Variants in PTPRD observed in about 807,000 individuals in gnomAD.
PTPRD encodes the protein protein tyrosine phosphatase receptor type D, also known as receptor-type tyrosine-protein phosphatase delta.
A neutral mutation model predicts 214.5 loss-of-function variants in PTPRD; 34 were observed. That is an observed-to-expected ratio of 0.16 (90% CI 0.12 to 0.21). The LOEUF (loss-of-function observed/expected upper bound fraction) is 0.21, where lower values mean the gene tolerates loss of function less well. PTPRD is among the 10% of genes least tolerant of loss of function. The pLI is 1.00. For missense variants in PTPRD, 2,545 were observed against 2,398.7 expected (o/e 1.06, Z -1.27); for synonymous variants, 1,128 against 845.7 (o/e 1.33, Z -5.79).
intron 11 of PTPRD, among the ~76,000 whole-genome samples, chr9:8,998,041 A>G (rs1467670822): frequency 6.6e-6 from 1 of 152,094 alleles, no homozygotes; most frequent in Non-Finnish European, 1.5e-5. Flanking sequence ...TTGGTTCATG[A>G]GTTTTAAAAA....
At chr9:9,845,461 G>C (rs917829110) in intron 5 of PTPRD, among the ~76,000 whole-genome samples, 1 of 151,664 alleles carries the variant, frequency 6.6e-6, no homozygotes, top group Non-Finnish European at 1.5e-5. Context: ...GTGAATTATA[G>C]AAGCTCATGA....
At chr9:9,932,447 C>T (rs1239969461) in intron 5 of PTPRD, among the ~76,000 whole-genome samples, 7 of 145,862 alleles carry the variant, frequency 4.8e-5, no homozygotes, top group Admixed American at 6.8e-5. Context: ...CCTCAGGAGC[C>T]GATGCAATCA....
intron 4 of PTPRD, among the ~76,000 whole-genome samples, chr9:9,982,025 C>G (rs1479420866): frequency 6.6e-6 from 1 of 151,992 alleles, no homozygotes; most frequent in African/African-American, 2.4e-5. Flanking sequence ...GATAATTTAC[C>G]ATAATTTGCT....
At chr9:9,729,591 A>C (rs1042514153) in intron 7 of PTPRD, among the ~76,000 whole-genome samples, 1 of 152,176 alleles carries the variant, frequency 6.6e-6, no homozygotes, top group Non-Finnish European at 1.5e-5. Flanking sequence ...GCTAAAGGGA[A>C]TAAAAGGCTT....
chr9:10,121,678 C>G (rs1350802804), intron 3 of PTPRD, among the ~76,000 whole-genome samples: 1 of 152,138 alleles, frequency 6.6e-6, no homozygotes. Context: ...CTATCTCATA[C>G]AATAGTTCAA....
chr9:8,887,267 C>G (rs867211562), intron 11 of PTPRD, among the ~76,000 whole-genome samples: 1 of 152,078 alleles, frequency 6.6e-6, no homozygotes, highest in Non-Finnish European at 1.5e-5. Flanking sequence ...GTTGAGACCC[C>G]CAAGACTGGT....
At chr9:9,412,162 C>G (rs2075658110) in intron 8 of PTPRD, among the ~76,000 whole-genome samples, 1 of 151,864 alleles carries the variant, frequency 6.6e-6, no homozygotes, top group African/African-American at 2.4e-5. Flanking sequence ...CTTTTTTTGG[C>G]CAGAATTACC....
intron 11 of PTPRD, among the ~76,000 whole-genome samples, chr9:8,767,408 C>T (rs1050329387): frequency 6.6e-6 from 1 of 152,144 alleles, no homozygotes; most frequent in African/African-American, 2.4e-5. Context: ...TGAGCCACCA[C>T]ACCCGGCGTC....
intron 4 of PTPRD, among the ~76,000 whole-genome samples, chr9:9,991,832 C>CA (rs2095939691): frequency 6.8e-6 from 1 of 147,532 alleles, no homozygotes; most frequent in African/African-American, 2.5e-5. Flanking sequence ...TTCAACAGCA[C>CA]CACACACACA....
At chr9:9,003,420 T>C (rs1202499338) in intron 11 of PTPRD, among the ~76,000 whole-genome samples, 3 of 152,032 alleles carry the variant, frequency 2.0e-5, no homozygotes, top group African/African-American at 4.8e-5. Flanking sequence ...TATGCCTACT[T>C]GTGTTCTACC....
chr9:10,177,826 A>T (rs1257413600), intron 3 of PTPRD, among the ~76,000 whole-genome samples: 1 of 151,974 alleles, frequency 6.6e-6, no homozygotes, highest in Admixed American at 6.6e-5. Context: ...TCAAGTCAGT[A>T]GTTCTCTTTA....
In PTPRD at chr9:8,908,921, G is replaced by A. The variant is rs141360290; in HGVS notation, c.-104+109776C>T. Among the ~76,000 whole-genome samples the A allele has an allele frequency of 1.0e-4, 15 of 150,390 alleles. No homozygotes were observed. The East Asian group carries it at 2.9e-3, about 29-fold the overall frequency. On this transcript the variant is annotated intron_variant, in intron 11 of 45. Transcript: ENST00000381196. ...AATGCTACAGCCTCATAATTAAAAG[G>A]CTCATAATTTGACATGAATATGAAA...
At chr9:8,590,364 G>A (rs2094004262) in intron 14 of PTPRD, among the ~76,000 whole-genome samples, 2 of 152,108 alleles carry the variant, frequency 1.3e-5, no homozygotes, top group Admixed American at 6.6e-5. Flanking sequence ...ATTTTATTTG[G>A]AGAACGCTGC....
At chr9:9,015,564 G>T (rs1589829035) in intron 11 of PTPRD, among the ~76,000 whole-genome samples, 1 of 152,102 alleles carries the variant, frequency 6.6e-6, no homozygotes, top group South Asian at 2.1e-4. Context: ...CTCTGTCTAT[G>T]GAGTAGCCAT....
chr9:8,315,638 A>G lies in PTPRD; in HGVS notation c.*2236T>C, dbSNP rs891720260. 5 of 227,972 alleles carry G rather than the reference A, an allele frequency of 2.2e-5. No individual in the cohort carries two copies. Among genetic ancestry groups the G allele is most frequent in the Admixed American group, 5.7e-5 (1 of 17,544 alleles). The allele number at this position is 227,972 out of a possible 1,614,324, so 14.1% of individuals were successfully genotyped here. On this transcript the variant is annotated 3_prime_UTR_variant, in exon 46 of 46. Transcript: ENST00000381196. ...TAGATACTTTTTTTTAGTATTATAT[A>G]TATTTTCTTTTTTTTCTTTTTCTTT...
intron 3 of PTPRD, among the ~76,000 whole-genome samples, chr9:10,282,700 G>A (rs1329651113): frequency 6.6e-6 from 1 of 151,184 alleles, no homozygotes; most frequent in African/African-American, 2.4e-5. Flanking sequence ...AAGAAGTACA[G>A]CTTTCACACT....
At chr9:10,125,969 A>G (rs954186587) in intron 3 of PTPRD, among the ~76,000 whole-genome samples, 3 of 152,284 alleles carry the variant, frequency 2.0e-5, no homozygotes, top group Admixed American at 6.5e-5. Context: ...TACTATCACA[A>G]TAAGATGGTA....
At chr9:8,488,225 G>A (rs1409901837) in intron 27 of PTPRD, among the ~76,000 whole-genome samples, 1 of 152,148 alleles carries the variant, frequency 6.6e-6, no homozygotes, top group Non-Finnish European at 1.5e-5. Flanking sequence ...TTCAGAAAGT[G>A]AAACCCAAGT....
intron 8 of PTPRD, among the ~76,000 whole-genome samples, chr9:9,412,148 TTTTC>T (rs1450727129): frequency 6.6e-6 from 1 of 152,238 alleles, no homozygotes; most frequent in Non-Finnish European, 1.5e-5. Flanking sequence ...TTTTCTTTTC[TTTTC>T]TTTTTTTGGC....
Sources: allele counts gnomAD v4.1 joint callset (sites outside exome capture counted in the v4.1 genomes callset), GRCh38; gene constraint gnomAD v4.1.1; transcripts MANE v1.5; gene names NCBI Gene and HGNC (gene_info 2026-07-23, HGNC 2026-07-21).